The following TIMM22 variants were observed in gnomAD, a reference collection of about 807,000 sequenced individuals.
The protein encoded by TIMM22 is translocase of inner mitochondrial membrane 22.
TIMM22 carries 12 observed loss-of-function variants against 18.3 expected under a neutral mutation model. That is an observed-to-expected ratio of 0.65 (90% CI 0.42 to 1.06). TIMM22 has a LOEUF of 1.06. Among genes scored for constraint, TIMM22 ranks in the 50% least tolerant of loss-of-function variants. The probability of loss-of-function intolerance (pLI) is 0.00; values close to 1 mark genes in which losing one functional copy is unlikely to be tolerated. For synonymous variants in TIMM22, 107 were observed against 98.5 expected, an observed-to-expected ratio of 1.09 and a Z score of -0.51; for missense variants, 278 against 252.8, an observed-to-expected ratio of 1.10 and a Z score of -0.68.
At chr17:997,407 G>A in intron 1 of TIMM22, 27 bp downstream of exon 1, 1 of 1,604,002 alleles carries the variant, frequency 6.2e-7, no homozygotes, top group African/African-American at 1.3e-5. Flanking sequence ...GGACCCTTGG[G>A]AGGCTGAGGG....
In TIMM22 at chr17:1,003,501, A is replaced by T. The variant is rs918215731; in HGVS notation, c.*2413A>T. On this transcript the variant is annotated 3_prime_UTR_variant, in exon 4 of 4. Coordinates refer to ENST00000327158, the MANE Select transcript of TIMM22 (RefSeq NM_013337.4). ...CTTCCCTGGACCACCGCGAACACAA[A>T]CATCCACACCACAGGGCTGAGTTTT... 2.0e-5 allele frequency: 3 copies of T among 152,636 alleles called. No individual in the cohort carries two copies. Among genetic ancestry groups the T allele is most frequent in the African/African-American group, 7.2e-5 (3 of 41,436 alleles). The allele number at this position is 152,636 out of a possible 1,614,324, so 9.5% of individuals were successfully genotyped here. A position where few individuals can be genotyped will look rare whatever the true frequency, so the allele number is the denominator to read the frequency against.
chr17:1,000,975 G>T, intron 3 of TIMM22, 37 bp from the exon 4 acceptor site: 1 of 1,612,958 alleles, frequency 6.2e-7, no homozygotes, highest in Non-Finnish European at 8.5e-7. Context: ...CCCAGCAGCT[G>T]TCACCACAGG....
chr17:999,323 CTATATATATATATATATA>C lies in TIMM22; in HGVS notation c.436-170_436-153del, dbSNP rs57081954. On this transcript the variant is annotated intron_variant, in intron 2 of 3. Coordinates refer to ENST00000327158, the MANE Select transcript of TIMM22 (RefSeq NM_013337.4). ...TGCAGGAAGCATCTATGAACGCATA[CTATATATATATATATATA>C]TATATATATATATATATACACGCTG... Among the ~76,000 whole-genome samples the C allele has an allele frequency of 6.2e-3, 746 of 120,580 alleles. 15 individuals are homozygous for C. The highest frequency in any genetic ancestry group is 0.03 in the East Asian group (134 of 4,514). The allele number at this position is 120,580 out of a possible 152,430, so 79.1% of individuals were successfully genotyped here.
At chr17:1,000,590 T>G (rs1433192498) in intron 3 of TIMM22, among the ~76,000 whole-genome samples, 2 of 152,150 alleles carry the variant, frequency 1.3e-5, no homozygotes, top group African/African-American at 4.8e-5. Flanking sequence ...GACTGACTTC[T>G]CCGCCGGTCG....
chr17:1,000,409 T>C (rs2069732655), intron 3 of TIMM22, among the ~76,000 whole-genome samples: 1 of 151,854 alleles, frequency 6.6e-6, no homozygotes, highest in Admixed American at 6.6e-5. Flanking sequence ...GTGGAGGGCC[T>C]TGGTGACTTG....
In TIMM22 at chr17:998,895, G is replaced by A; in HGVS notation, c.355G>A (p.Gly119Arg). Reference sequence around the variant, plus strand: ...TGCAAAAGAAGTGCTGAAAGACATGGGGCAGAGAGGAATGTCCTATGCCAA... The same window carrying A: ...TGCAAAAGAAGTGCTGAAAGACATGAGGCAGAGAGGAATGTCCTATGCCAA... ...PTAKEVLKDM[G>R]QRGMSYAKNF... Residue 119 changes from glycine to arginine, a missense_variant, in exon 2 of 4, where the codon GGG (glycine) becomes AGG (arginine). Coordinates refer to ENST00000327158, the MANE Select transcript of TIMM22 (RefSeq NM_013337.4). The A allele has an allele frequency of 1.9e-6, 3 of 1,614,160 alleles. No individual in the cohort carries two copies. The highest frequency in any genetic ancestry group is 1.3e-5 in the African/African-American group (1 of 75,042).
chr17:997,527 C>A, intron 1 of TIMM22, 147 bp downstream of exon 1: 1 of 752,014 alleles, frequency 1.3e-6, no homozygotes, highest in Non-Finnish European at 2.1e-6. Context: ...TCGGGCGTCA[C>A]CTCTCCTGCC....
In TIMM22 at chr17:1,001,281, C is replaced by G. The variant is rs1194178638; in HGVS notation, c.*193C>G. On this transcript the variant is annotated 3_prime_UTR_variant, in exon 4 of 4. Transcript: ENST00000327158. Reference sequence around the variant, plus strand: ...TTGGGGTAGCCACACTTTGCTGCTCCTGGACTCCAGCCAGCCTTCACAGAG... The same window carrying G: ...TTGGGGTAGCCACACTTTGCTGCTCGTGGACTCCAGCCAGCCTTCACAGAG... 3 of 560,296 alleles carry G rather than the reference C, an allele frequency of 5.4e-6. No homozygotes were observed. The highest frequency in any genetic ancestry group is 1.9e-5 in the African/African-American group (1 of 52,690). 34.7% of individuals were successfully genotyped at this position (560,296 alleles called of 1,614,324 possible).
At chr17:997,490 T>TGACCAC in intron 1 of TIMM22, 110 bp downstream of exon 1, 1 of 1,048,848 alleles carries the variant, frequency 9.5e-7, no homozygotes. Context: ...GCCTTGACCT[T>TGACCAC]GACCACACCC....
intron 1 of TIMM22, 97 bp from the exon 2 acceptor site, chr17:998,682 G>A (rs370846967): frequency 1.8e-5 from 24 of 1,341,762 alleles, no homozygotes; most frequent in South Asian, 5.9e-5. Flanking sequence ...CCTCTGCACC[G>A]GTGGTCATCC....
chr17:997,176 G>C lies in TIMM22; in HGVS notation c.34G>C (p.Ala12Pro). The change falls in exon 1 of 4, where the codon GCC becomes CCC. Residue 12 changes from alanine (A) to proline (P), a missense_variant. Ala to Pro is a conservative substitution (Grantham distance 27). Coordinates refer to ENST00000327158, the MANE Select transcript of TIMM22 (RefSeq NM_013337.4). ...AAAAPNAGGS[A>P]PETAGSAEAP... is the part of the protein sequence containing the mutation. The stretch of plus-strand genomic sequence containing the variant: ...GGCCGCCCCCAATGCCGGAGGCTCG[G>C]CCCCTGAGACAGCGGGTTCCGCCGA... 2 of 1,611,274 alleles carry C rather than the reference G, an allele frequency of 1.2e-6. No homozygotes were observed. The highest frequency in any genetic ancestry group is 1.7e-6 in the Non-Finnish European group (2 of 1,179,582).
In TIMM22 at chr17:997,190, G is replaced by A. The variant is rs775992686; in HGVS notation, c.48G>A (p.Ala16=). Residue 16 remains alanine, a synonymous_variant, in exon 1 of 4, where the codon GCG becomes GCA. Coordinates refer to ENST00000327158, the MANE Select transcript of TIMM22 (RefSeq NM_013337.4). ...PNAGGSAPET[A]GSAEAPLQYS... ...CCGGAGGCTCGGCCCCTGAGACAGC[G>A]GGTTCCGCCGAAGCTCCGCTGCAGT... 1 of 1,612,152 alleles carries A rather than the reference G, an allele frequency of 6.2e-7. No homozygotes were observed. The highest frequency in any genetic ancestry group is 1.1e-5 in the South Asian group (1 of 91,048).
At position 1,001,089 on chromosome 17, in the gene TIMM22, G is replaced by C. The variant is rs749976361; in HGVS notation, c.*1G>C. On this transcript the variant is annotated 3_prime_UTR_variant, in exon 4 of 4. Coordinates refer to ENST00000327158, the MANE Select transcript of TIMM22 (RefSeq NM_013337.4). ...TGCGATTGATTATTACCTCCGGTGA[G>C]AGTAATTGCCTGCAGGGAAGGATGA... The C allele has an allele frequency of 2.5e-6, 4 of 1,613,672 alleles. No homozygotes were observed. Among genetic ancestry groups the C allele is most frequent in the Admixed American group, 3.3e-5 (2 of 60,024 alleles).
At chr17:1,000,460 T>C (rs538969596) in intron 3 of TIMM22, among the ~76,000 whole-genome samples, 15 of 152,308 alleles carry the variant, frequency 9.8e-5, no homozygotes, top group African/African-American at 3.6e-4. Flanking sequence ...TGGGCCACTT[T>C]CCATCTGTCA....
intron 1 of TIMM22, among the ~76,000 whole-genome samples, 187 bp downstream of exon 1, chr17:997,567 G>A (rs2069696543): frequency 6.6e-6 from 1 of 152,240 alleles, no homozygotes; most frequent in Admixed American, 6.5e-5. Context: ...GATGAAAATT[G>A]GGTTAGAGAA....
chr17:1,000,563 C>T lies in TIMM22; in HGVS notation c.509-449C>T, dbSNP rs145198759. Among the ~76,000 whole-genome samples, 615 of 152,258 alleles carry T rather than the reference C, an allele frequency of 4.0e-3. 7 individuals carry two copies. The highest frequency in any genetic ancestry group is 4.1e-3 in the South Asian group (20 of 4,826). Reference sequence around the variant, plus strand: ...ATGAAACCTGGTTTTGCTCCTCAAGCACCATTTATGATGACGGACTGACTT... The same window carrying T: ...ATGAAACCTGGTTTTGCTCCTCAAGTACCATTTATGATGACGGACTGACTT... On this transcript the variant is annotated intron_variant, in intron 3 of 3. Transcript: ENST00000327158.
chr17:1,000,934 G>GGT (rs1349179840), intron 3 of TIMM22, 78 bp from the exon 4 acceptor site: 1 of 1,424,974 alleles, frequency 7.0e-7, no homozygotes, highest in Non-Finnish European at 9.9e-7. Context: ...TGACACTGAG[G>GGT]GTGTGCCAAC....
chr17:1,000,120 G>C lies in TIMM22; in HGVS notation c.508+536G>C, dbSNP rs1828242. ...CACCTGGTCTCGAACTCCTGACCTCGTGATCTGCCTGCCTCAGCCTCCCAA... is the reference window on the plus strand; with the variant it reads ...CACCTGGTCTCGAACTCCTGACCTCCTGATCTGCCTGCCTCAGCCTCCCAA... On this transcript the variant is annotated intron_variant, in intron 3 of 3. Transcript: ENST00000327158. Among the ~76,000 whole-genome samples, 10 of 151,552 alleles carry C rather than the reference G, an allele frequency of 6.6e-5. No homozygotes were observed. The East Asian group carries it at 1.4e-3, about 21-fold the overall frequency.
chr17:998,617 C>G (rs2069708417), intron 1 of TIMM22, among the ~76,000 whole-genome samples, 162 bp from the exon 2 acceptor site: 1 of 152,092 alleles, frequency 6.6e-6, no homozygotes, highest in Middle Eastern at 3.4e-3. Flanking sequence ...TAACATAGAC[C>G]CTGGATTGCA....
Sources: gnomAD v4.1 joint callset for allele counts (sites outside exome capture counted in the v4.1 genomes callset) on GRCh38, gnomAD v4.1.1 for gene constraint, MANE v1.5 for transcripts, NCBI Gene and HGNC (gene_info 2026-07-23, HGNC 2026-07-21) for gene names.